The following POLN variants were observed in gnomAD, a reference collection of about 807,000 sequenced individuals.
POLN encodes DNA polymerase nu.
In POLN, 108 loss-of-function variants were observed where a neutral mutation model predicts 113.5. The ratio of observed to expected loss-of-function variants is 0.95; its 90% CI spans 0.81 to 1.12. POLN has a LOEUF of 1.12. Among genes scored for constraint, POLN ranks in the 50% most tolerant of loss-of-function variants. The pLI, the probability that POLN is intolerant of heterozygous loss-of-function variation, is 0.00. For missense variants in POLN, 1,097 were observed against 1,077.1 expected (o/e 1.02, Z -0.26); for synonymous variants, 386 against 391.5 (o/e 0.99, Z 0.17).
chr4:2,184,014 C>T (rs540168293), intron 7 of POLN, among the ~76,000 whole-genome samples: 16 of 151,912 alleles, frequency 1.1e-4, no homozygotes, highest in African/African-American at 2.2e-4. Context: ...CCATCATGCC[C>T]GGCTAATTTT....
chr4:2,090,132 A>G, intron 20 of POLN: 1 of 1,030,498 alleles, frequency 9.7e-7, no homozygotes, highest in Non-Finnish European at 1.4e-6. Context: ...ACTGAGGATA[A>G]GAACTTTGAA....
chr4:2,174,149 C>A, intron 10 of POLN, 130 bp from the exon 11 acceptor site: 1 of 820,040 alleles, frequency 1.2e-6, no homozygotes, highest in Non-Finnish European at 2.1e-6. Flanking sequence ...CTGCTGCATG[C>A]CAACCTCTGC....
At chr4:2,171,054 GAATAAGA>G in intron 12 of POLN, 37 bp downstream of exon 12, 1 of 1,494,280 alleles carries the variant, frequency 6.7e-7, no homozygotes, top group Non-Finnish European at 9.2e-7. Context: ...TTTAACTCCT[GAATAAGA>G]AATACATTTT....
intron 13 of POLN, among the ~76,000 whole-genome samples, chr4:2,162,560 TA>T (rs546695240): frequency 5.6e-4 from 86 of 152,280 alleles, no homozygotes; most frequent in African/African-American, 1.8e-3. Flanking sequence ...GGGCTCAAGC[TA>T]TCCTCCTGCC....
chr4:2,121,083 A>G (rs1394639719), intron 19 of POLN, among the ~76,000 whole-genome samples: 1 of 152,112 alleles, frequency 6.6e-6, no homozygotes, highest in Non-Finnish European at 1.5e-5. Flanking sequence ...GAACTTCAAT[A>G]TGCAATATTA....
intron 5 of POLN, among the ~76,000 whole-genome samples, chr4:2,200,459 T>C (rs1176209596): frequency 6.6e-6 from 1 of 152,140 alleles, no homozygotes; most frequent in Non-Finnish European, 1.5e-5. Flanking sequence ...AGGAAGCAGA[T>C]TGCTCCTGCT....
At chr4:2,219,959 G>T (rs1400234046) in intron 3 of POLN, among the ~76,000 whole-genome samples, 1 of 152,062 alleles carries the variant, frequency 6.6e-6, no homozygotes, top group Non-Finnish European at 1.5e-5. Flanking sequence ...CACCTGCCTT[G>T]ATCCAGCACC....
At chr4:2,156,684 C>T (rs1015013878) in intron 16 of POLN, 104 bp downstream of exon 16, 72 of 907,498 alleles carry the variant, frequency 7.9e-5, no homozygotes, top group Admixed American at 1.3e-4. Context: ...ATGAAGTCCC[C>T]TCTTGGAAAC....
intron 16 of POLN, chr4:2,156,529 C>T: frequency 1.8e-6 from 1 of 568,804 alleles, no homozygotes; most frequent in Non-Finnish European, 3.2e-6. Flanking sequence ...TACGGGTGTC[C>T]TTTTTGCCTG....
intron 20 of POLN, among the ~76,000 whole-genome samples, chr4:2,091,220 G>T (rs1730654860): frequency 6.6e-6 from 1 of 152,198 alleles, no homozygotes; most frequent in Non-Finnish European, 1.5e-5. Context: ...GAGCGACTTG[G>T]CCATAACCAG....
chr4:2,126,465 C>T lies in POLN; in HGVS notation c.1982+1648G>A, dbSNP rs547923690. ...CACCCTTTGTGGAGCACAGTAGGGA[C>T]GAGGGTGGATGAGGTCTCGGCCCCT... On this transcript the variant is annotated intron_variant, in intron 19 of 25. Transcript: ENST00000511885. The surrounding 1 kb of genome is among the most constrained non-coding windows in gnomAD (Gnocchi z 4.6). Among the ~76,000 whole-genome samples the T allele has an allele frequency of 2.6e-4, 40 of 152,214 alleles. No homozygotes were observed. The highest frequency in any genetic ancestry group is 7.9e-4 in the African/African-American group (33 of 41,542).
intron 16 of POLN, among the ~76,000 whole-genome samples, chr4:2,151,916 T>C (rs1261553525): frequency 6.6e-6 from 1 of 152,180 alleles, no homozygotes; most frequent in Non-Finnish European, 1.5e-5. Flanking sequence ...TTTATTTCCA[T>C]ATAAAGGACC....
At position 2,198,554 on chromosome 4, in the gene POLN, T is replaced by C; in HGVS notation, c.878A>G (p.Gln293Arg). 6.2e-7 allele frequency: 1 copy of C among 1,612,180 alleles called. No individual in the cohort carries two copies. Among genetic ancestry groups the C allele is most frequent in the South Asian group, 1.1e-5 (1 of 90,636 alleles). ...AAATTGTTGATGTGCCTCCTGTTCT[T>C]GGTCCCAGATAGCAGAGTGCTCTAT... The part of the protein sequence containing the change: ...IQIEHSAIWD[Q>R]EQEAHQQFAR... Residue 293 changes from glutamine to arginine, a missense_variant, in exon 6 of 26, where the codon CAA becomes CGA. Coordinates refer to ENST00000511885, the MANE Select transcript of POLN (RefSeq NM_181808.4).
chr4:2,174,549 G>A, intron 10 of POLN, 142 bp downstream of exon 10: 1 of 743,428 alleles, frequency 1.3e-6, no homozygotes, highest in Middle Eastern at 2.9e-4. Flanking sequence ...CTACAGAAAG[G>A]GAAAATAATA....
At chr4:2,101,135 CAT>C (rs1730912696) in intron 19 of POLN, among the ~76,000 whole-genome samples, 2 of 150,928 alleles carry the variant, frequency 1.3e-5, no homozygotes, top group Non-Finnish European at 2.9e-5. Flanking sequence ...AGATTGAGTA[CAT>C]GCCTAAACAT....
intron 2 of POLN, chr4:2,236,524 C>A: frequency 9.0e-7 from 1 of 1,114,870 alleles, no homozygotes; most frequent in Non-Finnish European, 1.3e-6. Flanking sequence ...AATTACAATC[C>A]ACTGTATTGG....
At chr4:2,072,688 T>TC (rs1040326331) in intron 25 of POLN, among the ~76,000 whole-genome samples, 1 of 152,090 alleles carries the variant, frequency 6.6e-6, no homozygotes, top group African/African-American at 2.4e-5. Flanking sequence ...AGGAGAGCCC[T>TC]CCCGGGGGTC....
At chr4:2,169,581 A>G (rs1732810584) in intron 13 of POLN, among the ~76,000 whole-genome samples, 1 of 152,186 alleles carries the variant, frequency 6.6e-6, no homozygotes, top group Non-Finnish European at 1.5e-5. Context: ...ACACACACAC[A>G]CGCACACACA....
At chr4:2,089,667 G>T in intron 20 of POLN, 1 of 715,772 alleles carries the variant, frequency 1.4e-6, no homozygotes, top group Non-Finnish European at 2.3e-6. Flanking sequence ...TTCCTAAACT[G>T]TCCTGTACTG....
Sources: gnomAD v4.1 joint callset for allele counts (sites outside exome capture counted in the v4.1 genomes callset) on GRCh38, gnomAD v4.1.1 for gene constraint, Gnocchi (gnomAD v3.1) non-coding constraint, MANE v1.5 for transcripts, NCBI Gene and HGNC (gene_info 2026-07-23, HGNC 2026-07-21) for gene names.